Variants in ANK2 observed in about 807,000 individuals in gnomAD.
ANK2 encodes the protein ankyrin 2.
A neutral mutation model predicts 360.5 loss-of-function variants in ANK2; 83 were observed. The ratio of observed to expected loss-of-function variants is 0.23; its 90% CI spans 0.19 to 0.28. ANK2 has a LOEUF of 0.28. Ranked by LOEUF, ANK2 falls within the 10% of genes least tolerant of loss-of-function variation. The pLI is 1.00. For synonymous variants in ANK2, 1,740 were observed against 1,759.5 expected (o/e 0.99, Z 0.28); for missense variants, 4,201 against 4,795.7 (o/e 0.88, Z 3.66).
upstream of ANK2, among the ~76,000 whole-genome samples, chr4:113,047,224 A>G (rs1293406593): frequency 6.6e-6 from 1 of 152,218 alleles, no homozygotes; most frequent in Non-Finnish European, 1.5e-5. Context: ...TCAGATTTCT[A>G]AAGAGCATTC....
At chr4:113,346,713 A>T (rs1047413694) in intron 35 of ANK2, among the ~76,000 whole-genome samples, 77 of 152,184 alleles carry the variant, frequency 5.1e-4, no homozygotes, top group Non-Finnish European at 8.1e-4. Context: ...GAAATAGTTG[A>T]TTAGTAAAAA....
chr4:112,724,064 CTTT>C, the ANK2 span, among the ~76,000 whole-genome samples: 6 of 135,094 alleles, frequency 4.4e-5, no homozygotes, highest in Non-Finnish European at 4.9e-5. Flanking sequence ...CAGGAAAAAT[CTTT>C]TTTTTTTTTT....
intron 4 of ANK2, among the ~76,000 whole-genome samples, chr4:113,199,316 G>GA (rs2098795470): frequency 6.6e-6 from 1 of 151,992 alleles, no homozygotes; most frequent in Non-Finnish European, 1.5e-5. Flanking sequence ...CTTAACACTG[G>GA]AAAAATGTAA....
chr4:112,772,666 A>G, the ANK2 span, among the ~76,000 whole-genome samples: 1 of 152,326 alleles, frequency 6.6e-6, no homozygotes, highest in Non-Finnish European at 1.5e-5. Context: ...CTAGTATAGC[A>G]TTACCTAGGA....
At chr4:112,916,206 T>G (rs1052170362) in intron 2 of ANK2, among the ~76,000 whole-genome samples, 1 of 152,220 alleles carries the variant, frequency 6.6e-6, no homozygotes, top group Non-Finnish European at 1.5e-5. Context: ...GATTTTTGTG[T>G]TCTGACATGG....
rs535939284 is a variant in ANK2 at position 113,162,584 on chromosome 4, T to C, written c.85-11832T>C. Among the ~76,000 whole-genome samples, 11 of 152,298 alleles carry C rather than the reference T, an allele frequency of 7.2e-5. No homozygotes were observed. In the South Asian group the frequency reaches 2.3e-3, roughly 32 times the overall value. Reference sequence around the variant, plus strand: ...CAGCAGGAACCTTTATCAAACACTATATTGCAATCTCTATTCTAAATGTAA... The same window carrying C: ...CAGCAGGAACCTTTATCAAACACTACATTGCAATCTCTATTCTAAATGTAA... On this transcript the variant is annotated intron_variant, in intron 1 of 45. Transcript: ENST00000357077.
chr4:113,315,061 CCTT>C (rs956299237), intron 24 of ANK2, among the ~76,000 whole-genome samples: 21 of 152,112 alleles, frequency 1.4e-4, no homozygotes, highest in African/African-American at 4.3e-4. Flanking sequence ...CACTTTGTCT[CCTT>C]CTTTCTTTTC....
chr4:112,780,701 C>T, the ANK2 span, among the ~76,000 whole-genome samples: 7 of 151,856 alleles, frequency 4.6e-5, no homozygotes, highest in South Asian at 2.1e-4. Flanking sequence ...ACAATCATGG[C>T]GGAAGGGGAG....
chr4:113,072,765 T>TTG lies in ANK2; in HGVS notation c.84+22953_84+22954insTG, dbSNP rs142762570. On this transcript the variant is annotated intron_variant, in intron 1 of 45. Coordinates refer to ENST00000357077, the MANE Select transcript of ANK2 (RefSeq NM_001148.6). ...TAATTTTTTTTTTTTTTTTTTTTTT[T>TTG]GCTGTCTTGTCTCTCCAGCAAGTGT... Among the ~76,000 whole-genome samples, 811 of 121,202 alleles carry TTG rather than the reference T, an allele frequency of 6.7e-3. 35 individuals carry two copies. Among genetic ancestry groups the TTG allele is most frequent in the Non-Finnish European group, 9.3e-3 (516 of 55,736 alleles). 79.5% of individuals were successfully genotyped at this position (121,202 alleles called of 152,430 possible).
intron 45 of ANK2, 46 bp downstream of exon 45, chr4:113,373,495 A>C: frequency 4.4e-6 from 7 of 1,584,652 alleles, no homozygotes; most frequent in Non-Finnish European, 6.1e-6. Flanking sequence ...GAGAGGAACA[A>C]AATAGAGCTC....
At chr4:112,824,241 G>A (rs193291157) in intron 1 of ANK2, among the ~76,000 whole-genome samples, 157 of 152,128 alleles carry the variant, frequency 1.0e-3, no homozygotes, top group African/African-American at 3.2e-3. Context: ...GGGCGGTGGT[G>A]TGATCATAGC....
intron 1 of ANK2, among the ~76,000 whole-genome samples, chr4:112,819,908 C>T (rs893615302): frequency 6.6e-6 from 1 of 152,188 alleles, no homozygotes; most frequent in Non-Finnish European, 1.5e-5. Context: ...GGCCCTCCGT[C>T]TCTGCCTAGA....
At chr4:113,303,868 C>T (rs1297098956) in intron 23 of ANK2, among the ~76,000 whole-genome samples, 2 of 152,104 alleles carry the variant, frequency 1.3e-5, no homozygotes, top group African/African-American at 4.8e-5. Flanking sequence ...ATACTCATTG[C>T]TTTTATACAG....
At chr4:112,765,027 A>T in the ANK2 span, among the ~76,000 whole-genome samples, 1 of 152,190 alleles carries the variant, frequency 6.6e-6, no homozygotes, top group Non-Finnish European at 1.5e-5. Context: ...TCTTTTAAGC[A>T]CTTTATAAAT....
At position 113,372,668 on chromosome 4, in the gene ANK2, C is replaced by G. The variant is rs749086054; in HGVS notation, c.11611-422C>G. ...ACTGCACGTCAGGGACAGTCCTGTC[C>G]CCATATTCTAAGAGTGATCAACCTG... On this transcript the variant is annotated intron_variant, in intron 43 of 45. Transcript: ENST00000357077. The G allele has an allele frequency of 2.2e-6, 3 of 1,360,676 alleles. No homozygotes were observed. The South Asian group carries it at 3.7e-5, about 17-fold the overall frequency. The allele number at this position is 1,360,676 out of a possible 1,614,324, so 84.3% of individuals were successfully genotyped here. A position where few individuals can be genotyped will look rare whatever the true frequency, so the allele number is the denominator to read the frequency against.
chr4:112,881,313 C>T (rs1487328654), intron 1 of ANK2, among the ~76,000 whole-genome samples: 1 of 152,146 alleles, frequency 6.6e-6, no homozygotes, highest in East Asian at 1.9e-4. Flanking sequence ...TGGCATGTGC[C>T]TGTGGTCCCA....
intron 2 of ANK2, among the ~76,000 whole-genome samples, chr4:112,953,860 G>A (rs568105887): frequency 8.5e-4 from 129 of 152,136 alleles, no homozygotes; most frequent in Middle Eastern, 3.4e-3. Flanking sequence ...TTGACATTGT[G>A]CAAAAATCCC....
chr4:113,377,175 CAT>C (rs2096977972), intron 45 of ANK2, among the ~76,000 whole-genome samples: 1 of 151,946 alleles, frequency 6.6e-6, no homozygotes, highest in African/African-American at 2.4e-5. Flanking sequence ...AAACCAGTAA[CAT>C]AGTCATTTAT....
rs755111920 is a variant in ANK2 at position 113,355,158 on chromosome 4, C to A, written c.6540C>A (p.Leu2180=). Residue 2180 remains leucine, a synonymous_variant, in exon 38 of 46, where the codon CTC becomes CTA. Transcript: ENST00000357077. ...GTCCTTTCAACACAACATTTCCACT[C>A]GACTACATGAAAGATGAGTTCCTTC... is the stretch of plus-strand genomic sequence containing the variant. The part of the protein sequence containing the change: ...LTSPFNTTFP[L]DYMKDEFLPA... 6.2e-7 allele frequency: 1 copy of A among 1,614,120 alleles called. No homozygotes were observed. The highest frequency in any genetic ancestry group is 8.5e-7 in the Non-Finnish European group (1 of 1,179,986).
Sources: gnomAD v4.1 joint callset for allele counts (sites outside exome capture counted in the v4.1 genomes callset) on GRCh38, gnomAD v4.1.1 for gene constraint, MANE v1.5 for transcripts, NCBI Gene and HGNC (gene_info 2026-07-23, HGNC 2026-07-21) for gene names.